Variants in PKD1L1 observed in about 807,000 individuals in gnomAD.
PKD1L1 encodes polycystin-1-like protein 1.
In PKD1L1, 236 loss-of-function variants were observed where a neutral mutation model predicts 323.4. The observed-to-expected ratio is 0.73, with a 90% CI of 0.66 to 0.81. The LOEUF (loss-of-function observed/expected upper bound fraction) is 0.81. PKD1L1 is among the 40% of genes least tolerant of loss of function. The pLI is 0.00. For missense variants in PKD1L1, 3,320 were observed against 3,508.0 expected, an observed-to-expected ratio of 0.95 and a Z score of 1.35; for synonymous variants, 1,344 against 1,335.0, an observed-to-expected ratio of 1.01 and a Z score of -0.15.
intron 21 of PKD1L1, among the ~76,000 whole-genome samples, chr7:47,878,422 T>C (rs1439052117): frequency 6.6e-6 from 1 of 152,222 alleles, no homozygotes; most frequent in Non-Finnish European, 1.5e-5. Context: ...GAAATTTACA[T>C]GTCAAATGGT....
chr7:47,842,718 C>A (rs1439390002), intron 34 of PKD1L1, among the ~76,000 whole-genome samples: 1 of 152,158 alleles, frequency 6.6e-6, no homozygotes, highest in Non-Finnish European at 1.5e-5. Flanking sequence ...GGGCTGCTTT[C>A]CACAGTGGAG....
At chr7:47,889,074 T>C (rs115997703) in intron 16 of PKD1L1, among the ~76,000 whole-genome samples, 8,000 of 152,118 alleles carry the variant, frequency 0.053, 541 homozygotes, top group African/African-American at 0.16. Context: ...CGTCCTCGCC[T>C]GGCACTGGGC....
rs1785865009 is a variant in PKD1L1, at chr7:47,854,976, T to C, written c.4765A>G (p.Thr1589Ala). 6.2e-7 allele frequency: 1 copy of C among 1,614,158 alleles called. No homozygotes were observed. Among genetic ancestry groups the C allele is most frequent in the East Asian group, 2.2e-5 (1 of 44,890 alleles). The change falls in exon 30 of 57, where the codon ACT becomes GCT. Residue 1589 changes from threonine to alanine, a missense_variant. Thr to Ala is a moderately conservative substitution (Grantham distance 58). Coordinates refer to ENST00000289672, the MANE Select transcript of PKD1L1 (RefSeq NM_138295.5). ...LRDKVNLHQF[T>A]ELSENPQESL... ...TCCTGGGGGTTTTCGGAAAGCTCAG[T>C]GAACTGATGGAGATTCACTTTATCC...
intron 8 of PKD1L1, among the ~76,000 whole-genome samples, chr7:47,914,988 T>C (rs1295239495): frequency 1.3e-5 from 2 of 152,100 alleles, no homozygotes; most frequent in African/African-American, 4.8e-5. Context: ...GGACTTAAAG[T>C]TAAAACAGCA....
rs780245784 is a variant in PKD1L1, at chr7:47,843,161, T to C, written c.5246A>G (p.Glu1749Gly). The C allele has an allele frequency of 1.9e-6, 3 of 1,610,162 alleles. No individual in the cohort carries two copies. The Admixed American group carries it at 5.1e-5, about 27-fold the overall frequency. Reference protein sequence around the residue: ...SDISKLQSHPENLLPSIFIMG... With the variant: ...SDISKLQSHPGNLLPSIFIMG... ...AATAAAAATACTGGGAAGCAAGTTTTCTGGGTGGCTATAAACAAAAGGAGA... is the reference window on the plus strand; with the variant it reads ...AATAAAAATACTGGGAAGCAAGTTTCCTGGGTGGCTATAAACAAAAGGAGA... Residue 1749 changes from glutamate to glycine, a missense_variant, in exon 34 of 57, where the codon GAA becomes GGA. Transcript: ENST00000289672.
chr7:47,912,205 A>G (rs1787336542), intron 8 of PKD1L1, among the ~76,000 whole-genome samples: 1 of 152,196 alleles, frequency 6.6e-6, no homozygotes, highest in Admixed American at 6.5e-5. Context: ...CAAAGTCAAC[A>G]TTTTAGAGTA....
intron 9 of PKD1L1, among the ~76,000 whole-genome samples, 179 bp downstream of exon 9, chr7:47,907,898 C>T (rs948257327): frequency 1.3e-5 from 2 of 152,198 alleles, no homozygotes; most frequent in African/African-American, 2.4e-5. Flanking sequence ...ACTTTATCTT[C>T]ATGTTCCCTC....
chr7:47,813,143 C>A lies in PKD1L1; in HGVS notation c.7324G>T (p.Val2442Leu), dbSNP rs1784937953. The A allele has an allele frequency of 6.2e-7, 1 of 1,613,592 alleles. No homozygotes were observed. The highest frequency in any genetic ancestry group is 1.1e-5 in the South Asian group (1 of 91,052). The change falls in exon 49 of 57, where the codon GTG becomes TTG. Residue 2442 changes from valine (V) to leucine (L), a missense_variant. Coordinates refer to ENST00000289672, the MANE Select transcript of PKD1L1 (RefSeq NM_138295.5). ...PGGCGTREDC[V>L]LSLGRTRTEA... ...GACCTTGTTCTGCCCAGGCTGAGCACACAGTCCTCCCTTGTCCCACAGCCC... is the reference window on the plus strand; with the variant it reads ...GACCTTGTTCTGCCCAGGCTGAGCAAACAGTCCTCCCTTGTCCCACAGCCC...
the PKD1L1 span, among the ~76,000 whole-genome samples, chr7:47,953,856 C>CA: frequency 6.6e-6 from 1 of 152,172 alleles, no homozygotes; most frequent in East Asian, 1.9e-4. Flanking sequence ...AGAGAAAAGA[C>CA]AAAAACACAA....
intron 52 of PKD1L1, among the ~76,000 whole-genome samples, chr7:47,806,643 C>A (rs1357954201): frequency 1.3e-5 from 2 of 152,322 alleles, no homozygotes; most frequent in East Asian, 3.9e-4. Context: ...TGGGGGAAGA[C>A]AGTAAACCAA....
At chr7:47,833,658 G>A (rs887257778) in intron 40 of PKD1L1, among the ~76,000 whole-genome samples, 3 of 152,282 alleles carry the variant, frequency 2.0e-5, no homozygotes, top group Middle Eastern at 6.8e-3. Flanking sequence ...TTCCAGCAGC[G>A]GATCGAGAGT....
In PKD1L1 at chr7:47,894,001, G is replaced by T. The variant is rs1786881631; in HGVS notation, c.2330C>A (p.Ala777Asp). The T allele has an allele frequency of 6.2e-7, 1 of 1,612,240 alleles. No homozygotes were observed. Among genetic ancestry groups the T allele is most frequent in the Admixed American group, 1.7e-5 (1 of 59,804 alleles). The change falls in exon 15 of 57, where the codon GCC becomes GAC. Residue 777 changes from alanine to aspartate, a missense_variant. Coordinates refer to ENST00000289672, the MANE Select transcript of PKD1L1 (RefSeq NM_138295.5). Reference protein sequence around the residue: ...SNYCVGLEVRAQAPVSVISEG... With the variant: ...SNYCVGLEVRDQAPVSVISEG... Reference sequence around the variant, plus strand: ...GGAGATCACACTGACAGGGGCCTGGGCTCGCACCTCCAGGCCCACACAGTA... The same window carrying T: ...GGAGATCACACTGACAGGGGCCTGGTCTCGCACCTCCAGGCCCACACAGTA...
chr7:47,819,306 G>A (rs1048003935), intron 46 of PKD1L1, among the ~76,000 whole-genome samples: 1 of 152,166 alleles, frequency 6.6e-6, no homozygotes, highest in African/African-American at 2.4e-5. Flanking sequence ...ATGTGCACCT[G>A]AGAGATCTCA....
In PKD1L1 at chr7:47,840,500, G is replaced by A; in HGVS notation, c.5513C>T (p.Pro1838Leu). Residue 1838 changes from proline (P) to leucine (L), a missense_variant, in exon 35 of 57, where the codon CCC becomes CTC. By Grantham distance (98) the Pro-to-Leu change is moderately conservative (BLOSUM62 -3). Coordinates refer to ENST00000289672, the MANE Select transcript of PKD1L1 (RefSeq NM_138295.5). The surrounding 1 kb of genome is among the most constrained non-coding windows in gnomAD (Gnocchi z 4.1). ...GTGTCTGGAATTCCTTTCAAACAGG[G>A]GCTTCTCTGGACAGGAGAGCTCCTT... ...ETKELSCPEK[P>L]LFERNSRHTF... 6.2e-7 allele frequency: 1 copy of A among 1,614,012 alleles called. No individual in the cohort carries two copies. Among genetic ancestry groups the A allele is most frequent in the Non-Finnish European group, 8.5e-7 (1 of 1,179,972 alleles).
chr7:47,853,074 G>T, intron 31 of PKD1L1, 53 bp downstream of exon 31: 4 of 1,177,128 alleles, frequency 3.4e-6, no homozygotes, highest in African/African-American at 3.0e-5. Flanking sequence ...GGTTATAGGG[G>T]ATGTTTTAAT....
At chr7:47,776,513 C>T (rs889678775) in intron 56 of PKD1L1, among the ~76,000 whole-genome samples, 5 of 152,186 alleles carry the variant, frequency 3.3e-5, no homozygotes, top group Admixed American at 6.5e-5. Flanking sequence ...CCAAGCCTAG[C>T]GCATCTCCAC....
At chr7:47,924,541 C>G (rs1055061739) in intron 7 of PKD1L1, among the ~76,000 whole-genome samples, 11 of 152,314 alleles carry the variant, frequency 7.2e-5, no homozygotes, top group Middle Eastern at 3.4e-3. Flanking sequence ...GAAACACAAA[C>G]TAAGCAATGG....
chr7:47,842,021 C>A (rs1432948416), intron 34 of PKD1L1, among the ~76,000 whole-genome samples: 1 of 152,122 alleles, frequency 6.6e-6, no homozygotes, highest in African/African-American at 2.4e-5. Flanking sequence ...TGTTTTATTT[C>A]TTGCTTTATT....
At position 47,887,995 on chromosome 7, in the gene PKD1L1, A is replaced by G. The variant is rs768411386; in HGVS notation, c.2831T>C (p.Ile944Thr). Residue 944 changes from isoleucine (I) to threonine (T), a missense_variant, in exon 17 of 57, where the codon ATA becomes ACA. Physicochemically the swap from Ile to Thr is moderately conservative, Grantham distance 89. Transcript: ENST00000289672. ...AAGCTATTAATCCTTTTTACCTTCT[A>G]TCCTATTCTTTTCTGTTGCATTGAC... ...FLVNATEKNR[I>T]EVPFCRVVGL... The G allele has an allele frequency of 1.9e-6, 3 of 1,612,210 alleles. No homozygotes were observed. Among genetic ancestry groups the G allele is most frequent in the Non-Finnish European group, 2.5e-6 (3 of 1,178,954 alleles).
Sources: gnomAD v4.1 joint callset for allele counts (sites outside exome capture counted in the v4.1 genomes callset) on GRCh38, gnomAD v4.1.1 for gene constraint, Gnocchi (gnomAD v3.1) non-coding constraint, MANE v1.5 for transcripts, NCBI Gene and HGNC (gene_info 2026-07-23, HGNC 2026-07-21) for gene names.